NRG4: variants seen among roughly 807,000 people sequenced by gnomAD.
NRG4 encodes neuregulin 4.
NRG4 carries 10 observed loss-of-function variants against 15.0 expected under a neutral mutation model. The observed-to-expected ratio is 0.67, with a 90% CI of 0.41 to 1.13. The LOEUF (loss-of-function observed/expected upper bound fraction) is 1.13, where lower values mean the gene tolerates loss of function less well. NRG4 is among the 50% of genes most tolerant of loss of function. NRG4 has a pLI of 0.00. For synonymous variants in NRG4, 41 were observed against 50.1 expected (o/e 0.82, Z 0.77); for missense variants, 139 against 140.2 (o/e 0.99, Z 0.04).
intron 5 of NRG4, 150 bp downstream of exon 5, chr15:75,955,782 G>A: frequency 2.0e-6 from 1 of 490,230 alleles, no homozygotes; most frequent in Non-Finnish European, 3.6e-6. Flanking sequence ...TGTGAAAAAG[G>A]GTACCTGGCC....
intron 3 of NRG4, among the ~76,000 whole-genome samples, chr15:75,998,609 C>A (rs1030506656): frequency 6.6e-6 from 1 of 152,100 alleles, no homozygotes; most frequent in Non-Finnish European, 1.5e-5. Context: ...GTTTTATAGG[C>A]CACTGGCTTT....
chr15:76,044,286 G>A (rs1204463866), intron 4 of NRG4, among the ~76,000 whole-genome samples: 2 of 150,528 alleles, frequency 1.3e-5, no homozygotes, highest in Admixed American at 1.3e-4. Flanking sequence ...ACAGGCGTGA[G>A]CCACCGCGCC....
At chr15:75,987,561 C>T (rs2033842940) in intron 3 of NRG4, among the ~76,000 whole-genome samples, 1 of 152,124 alleles carries the variant, frequency 6.6e-6, no homozygotes, top group Non-Finnish European at 1.5e-5. Flanking sequence ...TCCGCTCTCC[C>T]TCTCTCTGCC....
chr15:75,950,703 G>A (rs1437664114), intron 5 of NRG4: 1 of 161,246 alleles, frequency 6.2e-6, no homozygotes, highest in East Asian at 1.8e-4. Context: ...CAAGAGTTCA[G>A]TATCAAACAC....
intron 5 of NRG4, among the ~76,000 whole-genome samples, chr15:76,017,982 T>A (rs549466550): frequency 2.6e-5 from 4 of 152,342 alleles, no homozygotes; most frequent in African/African-American, 9.6e-5. Flanking sequence ...GTAGGTTTGG[T>A]CTTTTCACAT....
chr15:76,045,601 A>G (rs1161862152), intron 4 of NRG4, among the ~76,000 whole-genome samples: 3 of 151,156 alleles, frequency 2.0e-5, no homozygotes, highest in African/African-American at 7.4e-5. Context: ...GCCATAAAAA[A>G]AAGAATGAGA....
chr15:76,002,881 A>C (rs182781373), intron 3 of NRG4, among the ~76,000 whole-genome samples: 1 of 152,192 alleles, frequency 6.6e-6, no homozygotes, highest in Non-Finnish European at 1.5e-5. Context: ...TCCTACTTGA[A>C]GATGTTAATA....
intron 1 of NRG4, among the ~76,000 whole-genome samples, chr15:76,059,481 C>T (rs1328939341): frequency 2.0e-5 from 3 of 152,222 alleles, no homozygotes; most frequent in Admixed American, 2.0e-4. Context: ...GGTTCCCATT[C>T]TCAGCTGTAC....
chr15:75,944,223 T>C lies in NRG4; in HGVS notation c.332-569A>G, dbSNP rs1056440575. Reference sequence around the variant, plus strand: ...GTTTAACCTCCCTAAACCTCAGTTTTCTCATTGTAGAGTGAGAATAATACC... The same window carrying C: ...GTTTAACCTCCCTAAACCTCAGTTTCCTCATTGTAGAGTGAGAATAATACC... On this transcript the variant is annotated intron_variant, in intron 5 of 5. Transcript: ENST00000394907. Among the ~76,000 whole-genome samples the C allele has an allele frequency of 2.6e-5, 4 of 152,320 alleles. No individual in the cohort carries two copies. In the South Asian group the frequency reaches 8.3e-4, roughly 32 times the overall value.
chr15:75,945,590 A>G (rs1435735656), intron 5 of NRG4, among the ~76,000 whole-genome samples: 2 of 152,174 alleles, frequency 1.3e-5, no homozygotes, highest in Non-Finnish European at 2.9e-5. Context: ...CAAACAAAAG[A>G]CATGCTTTTA....
chr15:76,047,823 T>C (rs1297244923), intron 4 of NRG4, among the ~76,000 whole-genome samples: 2 of 150,992 alleles, frequency 1.3e-5, no homozygotes, highest in African/African-American at 4.9e-5. Flanking sequence ...ATGCTAAATA[T>C]GAAATAACAC....
rs549856626 is a variant in NRG4, at chr15:75,987,988, T to G, written c.104+21212A>C. Among the ~76,000 whole-genome samples the G allele has an allele frequency of 3.1e-3, 465 of 152,316 alleles. 2 individuals are homozygous for G. The highest frequency in any genetic ancestry group is 5.4e-3 in the Non-Finnish European group (366 of 68,030). On this transcript the variant is annotated intron_variant, in intron 3 of 5. Transcript: ENST00000394907. ...ATGGCAATACAGACAGGTGTTCTAA[T>G]GTTCTCAAAGTGTCTCCACTACCAA...
At chr15:75,967,843 C>A (rs1295615652) in intron 3 of NRG4, among the ~76,000 whole-genome samples, 1 of 152,100 alleles carries the variant, frequency 6.6e-6, no homozygotes, top group Non-Finnish European at 1.5e-5. Flanking sequence ...TCTAAATGAA[C>A]TACATGTTGT....
In NRG4 at chr15:75,984,925, A is replaced by C. The variant is rs148754650; in HGVS notation, c.105-22951T>G. ...AGTGATGCAATCTCAGTTCACTGCA[A>C]CTTCCACCTCCCAGGTTCAAGTGAT... On this transcript the variant is annotated intron_variant, in intron 3 of 5. Coordinates refer to ENST00000394907, the MANE Select transcript of NRG4 (RefSeq NM_138573.4). 2.6e-5 allele frequency among the ~76,000 whole-genome samples: 4 copies of C among 152,188 alleles called. No homozygotes were observed. The East Asian group carries it at 7.7e-4, about 29-fold the overall frequency.
intron 4 of NRG4, among the ~76,000 whole-genome samples, chr15:76,037,938 TACTAGA>T (rs879579823): frequency 0.037 from 5,603 of 152,096 alleles, 180 homozygotes; most frequent in African/African-American, 0.085. Context: ...CTAGACACAA[TACTAGA>T]CAGAATTGTG....
chr15:76,059,043 G>A (rs189824353), intron 1 of NRG4, among the ~76,000 whole-genome samples: 2 of 152,128 alleles, frequency 1.3e-5, no homozygotes, highest in East Asian at 1.9e-4. Flanking sequence ...CCTCCAAGGG[G>A]CGCAATGTTA....
At chr15:75,957,920 G>A (rs1254832695) in intron 4 of NRG4, among the ~76,000 whole-genome samples, 1 of 152,078 alleles carries the variant, frequency 6.6e-6, no homozygotes, top group Non-Finnish European at 1.5e-5. Context: ...GATATGTACT[G>A]AATTTTTAAA....
rs1400499601 is a variant in NRG4, at chr15:75,943,516, G to A, written c.*122C>T. Reference sequence around the variant, plus strand: ...CAGAATGGATTATGGTTCATGATACGAGTTACACAAGCGTTTTATTTAAGA... The same window carrying A: ...CAGAATGGATTATGGTTCATGATACAAGTTACACAAGCGTTTTATTTAAGA... On this transcript the variant is annotated 3_prime_UTR_variant, in exon 6 of 6. Coordinates refer to ENST00000394907, the MANE Select transcript of NRG4 (RefSeq NM_138573.4). 2 of 673,376 alleles carry A rather than the reference G, an allele frequency of 3.0e-6. No homozygotes were observed. Among genetic ancestry groups the A allele is most frequent in the East Asian group, 5.3e-5 (2 of 37,978 alleles). The allele number at this position is 673,376 out of a possible 1,614,324, so 41.7% of individuals were successfully genotyped here. A position where few individuals can be genotyped will look rare whatever the true frequency, so the allele number is the denominator to read the frequency against.
chr15:76,018,424 T>C (rs2141923389), intron 5 of NRG4, among the ~76,000 whole-genome samples: 1 of 152,320 alleles, frequency 6.6e-6, no homozygotes, highest in African/African-American at 2.4e-5. Context: ...TTTTGGAATT[T>C]TCAGCCTTTT....
Sources: allele counts gnomAD v4.1 joint callset (sites outside exome capture counted in the v4.1 genomes callset), GRCh38; gene constraint gnomAD v4.1.1; transcripts MANE v1.5; gene names NCBI Gene and HGNC (gene_info 2026-07-23, HGNC 2026-07-21).